ADAMTS17: variants seen among roughly 807,000 people sequenced by gnomAD.
ADAMTS17 encodes the protein ADAM metallopeptidase with thrombospondin type 1 motif 17, also known as A disintegrin and metalloproteinase with thrombospondin motifs 17.
ADAMTS17 carries 113 observed loss-of-function variants against 141.5 expected under a neutral mutation model. The observed-to-expected ratio is 0.80, with a 90% CI of 0.69 to 0.93. The LOEUF (loss-of-function observed/expected upper bound fraction) is 0.93, where lower values mean the gene tolerates loss of function less well. Ranked by LOEUF, ADAMTS17 falls within the 40% of genes least tolerant of loss-of-function variation. The probability of loss-of-function intolerance (pLI) is 0.00; values close to 1 mark genes in which losing one functional copy is unlikely to be tolerated. For synonymous variants in ADAMTS17, 768 were observed against 630.6 expected (o/e 1.22, Z -3.27); for missense variants, 1,659 against 1,517.9 (o/e 1.09, Z -1.54).
At chr15:100,050,427 G>A (rs1002698767) in intron 17 of ADAMTS17, among the ~76,000 whole-genome samples, 1 of 152,110 alleles carries the variant, frequency 6.6e-6, no homozygotes, top group African/African-American at 2.4e-5. Flanking sequence ...GGGGGAGAAG[G>A]CCCCCCGGGG....
In ADAMTS17 at chr15:99,989,181, C is replaced by T. The variant is rs1163042618; in HGVS notation, c.2949+3867G>A. Among the ~76,000 whole-genome samples the T allele has an allele frequency of 2.0e-5, 3 of 152,208 alleles. No individual in the cohort carries two copies. In the East Asian group the frequency reaches 5.8e-4, roughly 29 times the overall value. On this transcript the variant is annotated intron_variant, in intron 20 of 21. Transcript: ENST00000268070. Reference sequence around the variant, plus strand: ...CGAGTCACGGAACTGCTCTGAGCCTCTGTTCCCTCTTCTGTGCAGCAGGGG... The same window carrying T: ...CGAGTCACGGAACTGCTCTGAGCCTTTGTTCCCTCTTCTGTGCAGCAGGGG...
At chr15:100,085,925 G>A (rs2035070408) in intron 15 of ADAMTS17, among the ~76,000 whole-genome samples, 1 of 152,042 alleles carries the variant, frequency 6.6e-6, no homozygotes, top group African/African-American at 2.4e-5. Context: ...AGGCTAGGAA[G>A]AAACTGCATC....
intron 2 of ADAMTS17, among the ~76,000 whole-genome samples, chr15:100,335,874 A>G (rs555577156): frequency 6.6e-6 from 1 of 152,344 alleles, no homozygotes; most frequent in Admixed American, 6.5e-5. Flanking sequence ...TTTCCTAAGA[A>G]GCAAGAATGT....
chr15:100,109,038 G>A lies in ADAMTS17; in HGVS notation c.1967C>T (p.Thr656Ile). 11 of 1,614,118 alleles carry A rather than the reference G, an allele frequency of 6.8e-6. No individual in the cohort carries two copies. Among genetic ancestry groups the A allele is most frequent in the African/African-American group, 1.3e-5 (1 of 75,060 alleles). Reference protein sequence around the residue: ...LLVADRVLDGTPCGPYETDLC... With the variant: ...LLVADRVLDGIPCGPYETDLC... ...ATCAGTCTCGTAGGGCCCGCAGGGT[G>A]TACCGTCCAGGACCCTGTCGGCCAC... Residue 656 changes from threonine (T) to isoleucine (I), a missense_variant, in exon 14 of 22, where the codon ACA (threonine) becomes ATA (isoleucine). Thr to Ile is a moderately conservative substitution (Grantham distance 89). Transcript: ENST00000268070.
intron 18 of ADAMTS17, among the ~76,000 whole-genome samples, chr15:100,022,056 G>T (rs922628767): frequency 6.6e-6 from 1 of 152,036 alleles, no homozygotes; most frequent in African/African-American, 2.4e-5. Flanking sequence ...ATCTAGTTCG[G>T]GCTCCCAGGC....
rs1445903358 is a variant in ADAMTS17 at position 100,292,143 on chromosome 15, CACGAGACACGCTCACCCCGTGGGAAACT to C, written c.617-10770_617-10743del. ...GAGAGACGCTCAGCCCGTGGGGAGT[CACGAGACACGCTCACCCCGTGGGAAACT>C]ACGAGACACGCTCACCCCGTGGGGA... On this transcript the variant is annotated intron_variant, in intron 3 of 21. Coordinates refer to ENST00000268070, the MANE Select transcript of ADAMTS17 (RefSeq NM_139057.4). Among the ~76,000 whole-genome samples, 66 of 131,932 alleles carry C rather than the reference CACGAGACACGCTCACCCCGTGGGAAACT, an allele frequency of 5.0e-4. 2 individuals carry two copies. Among genetic ancestry groups the C allele is most frequent in the Non-Finnish European group, 8.8e-4 (55 of 62,514 alleles). The allele number at this position is 131,932 out of a possible 152,430, so 86.6% of individuals were successfully genotyped here. A position where few individuals can be genotyped will look rare whatever the true frequency, so the allele number is the denominator to read the frequency against.
intron 14 of ADAMTS17, among the ~76,000 whole-genome samples, chr15:100,099,655 G>A (rs905970717): frequency 6.6e-6 from 1 of 152,174 alleles, no homozygotes; most frequent in Non-Finnish European, 1.5e-5. Flanking sequence ...TGCTGGTCGC[G>A]CCCTGTGCCT....
chr15:100,256,792 G>A (rs28541526), intron 6 of ADAMTS17: 14,079 of 152,666 alleles, frequency 0.092, 1,238 homozygotes, highest in African/African-American at 0.24. Context: ...AGTTCTCTGC[G>A]TTCTCAGCTT....
intron 8 of ADAMTS17, among the ~76,000 whole-genome samples, chr15:100,162,370 T>C (rs375142964): frequency 3.4e-5 from 5 of 147,734 alleles, no homozygotes; most frequent in African/African-American, 7.4e-5. Flanking sequence ...TATATAGTTA[T>C]ATATATGTTA....
At chr15:100,296,247 ACTG>A (rs1323663337) in intron 3 of ADAMTS17, among the ~76,000 whole-genome samples, 1 of 151,892 alleles carries the variant, frequency 6.6e-6, no homozygotes, top group Non-Finnish European at 1.5e-5. Flanking sequence ...GTCCAAGAAA[ACTG>A]CTTTGTGACC....
chr15:100,041,179 A>G (rs2031218987), intron 18 of ADAMTS17, among the ~76,000 whole-genome samples: 1 of 152,232 alleles, frequency 6.6e-6, no homozygotes, highest in Admixed American at 6.5e-5. Context: ...GAGGAAGGAG[A>G]ACACATTTAA....
At chr15:99,979,625 T>TA (rs2060442263) in intron 20 of ADAMTS17, 1 of 152,176 alleles carries the variant, frequency 6.6e-6, no homozygotes, top group Non-Finnish European at 1.5e-5. Flanking sequence ...TGAAGTCAGA[T>TA]ACAACCACGT....
intron 7 of ADAMTS17, among the ~76,000 whole-genome samples, chr15:100,233,134 G>T (rs2042540870): frequency 6.6e-6 from 1 of 152,146 alleles, no homozygotes; most frequent in Admixed American, 6.5e-5. Flanking sequence ...CTCCAGACTA[G>T]TCTGTCCAAC....
chr15:100,232,244 C>T (rs913906158), intron 7 of ADAMTS17, among the ~76,000 whole-genome samples: 3 of 152,202 alleles, frequency 2.0e-5, no homozygotes, highest in African/African-American at 4.8e-5. Context: ...GGCCTAGCAG[C>T]GGAAGCCAAT....
chr15:100,149,792 G>C (rs1248397255), intron 10 of ADAMTS17, among the ~76,000 whole-genome samples: 1 of 152,162 alleles, frequency 6.6e-6, no homozygotes, highest in Non-Finnish European at 1.5e-5. Flanking sequence ...CCTATCTTTT[G>C]CTGAGAAAAT....
chr15:100,262,480 T>G (rs780423127), intron 4 of ADAMTS17, 45 bp from the exon 5 acceptor site: 1 of 1,530,904 alleles, frequency 6.5e-7, no homozygotes, highest in South Asian at 1.2e-5. Flanking sequence ...GATAAAAAAT[T>G]TTAAAAATAC....
At chr15:100,338,120 G>A (rs540913371) in intron 2 of ADAMTS17, among the ~76,000 whole-genome samples, 1 of 152,304 alleles carries the variant, frequency 6.6e-6, no homozygotes, top group Admixed American at 6.5e-5. Flanking sequence ...TATGGCCTTT[G>A]AAGATCCAAA....
At chr15:100,232,413 G>C (rs959706114) in intron 7 of ADAMTS17, among the ~76,000 whole-genome samples, 2 of 152,234 alleles carry the variant, frequency 1.3e-5, no homozygotes, top group African/African-American at 4.8e-5. Flanking sequence ...AAGCCTGATG[G>C]AGATGAAAAT....
At chr15:100,099,730 A>G (rs1480997744) in intron 14 of ADAMTS17, among the ~76,000 whole-genome samples, 3 of 151,658 alleles carry the variant, frequency 2.0e-5, no homozygotes, top group African/African-American at 7.3e-5. Context: ...GCATAATTAA[A>G]GGCATGGGAT....
Sources: allele counts gnomAD v4.1 joint callset (sites outside exome capture counted in the v4.1 genomes callset), GRCh38; gene constraint gnomAD v4.1.1; transcripts MANE v1.5; gene names NCBI Gene and HGNC (gene_info 2026-07-23, HGNC 2026-07-21).